Variants in CLTCL1 observed in about 807,000 individuals in gnomAD.
The protein encoded by CLTCL1 is clathrin heavy chain like 1.
In CLTCL1, 159 loss-of-function variants were observed where a neutral mutation model predicts 190.0. The observed-to-expected ratio is 0.84, with a 90% confidence interval of 0.74 to 0.95. The LOEUF (loss-of-function observed/expected upper bound fraction) is 0.95. Among genes scored for constraint, CLTCL1 ranks in the 40% least tolerant of loss-of-function variants. The pLI, the probability that CLTCL1 is intolerant of heterozygous loss-of-function variation, is 0.00. For missense variants in CLTCL1, 1,878 were observed against 2,033.4 expected (o/e 0.92, Z 1.47); for synonymous variants, 752 against 769.6 (o/e 0.98, Z 0.38).
In CLTCL1 at chr22:19,233,298, G is replaced by A. The variant is rs560764429; in HGVS notation, c.1389C>T (p.Leu463=). 1.3e-5 allele frequency: 21 copies of A among 1,613,208 alleles called. No individual in the cohort carries two copies. Among genetic ancestry groups the A allele is most frequent in the African/African-American group, 1.2e-4 (9 of 75,026 alleles). ...KEDKLECSEE[L]GDLVKTTDPM... ...GGTCAGTGGTTTTGACCAAGTCTCCGAGCTCCTCTGAGCACTCCAGCTGTG... is the reference window on the plus strand; with the variant it reads ...GGTCAGTGGTTTTGACCAAGTCTCCAAGCTCCTCTGAGCACTCCAGCTGTG... The change falls in exon 9 of 33, where the codon CTC becomes CTT. Residue 463 remains leucine (L), a synonymous_variant. Coordinates refer to ENST00000427926, the MANE Select transcript of CLTCL1 (RefSeq NM_007098.4).
intron 2 of CLTCL1, among the ~76,000 whole-genome samples, chr22:19,267,357 CTT>C (rs1555978355): frequency 2.0e-5 from 3 of 152,072 alleles, no homozygotes; most frequent in African/African-American, 7.2e-5. Flanking sequence ...GACTAGAAGA[CTT>C]AATATTGTCA....
rs181548471 is a variant in CLTCL1, at chr22:19,229,841, G to A, written c.1779C>T (p.Pro593=). 1,875 of 1,607,432 alleles carry A rather than the reference G, an allele frequency of 1.2e-3. 4 individuals carry two copies. Among genetic ancestry groups the A allele is most frequent in the Non-Finnish European group, 1.2e-3 (1,358 of 1,177,580 alleles). Residue 593 remains proline, a synonymous_variant, in exon 11 of 33, where the codon CCC becomes CCT. Transcript: ENST00000427926. ...TGTTAGCCTACAAGTCACTGACCTG[G>A]GGTGCATGAACAAGGTTCATCTCCA... The part of the protein sequence containing the change: ...WLLEMNLVHA[P]QVADAILGNK...
chr22:19,216,883 G>C (rs712949), intron 18 of CLTCL1, among the ~76,000 whole-genome samples: 8,980 of 152,268 alleles, frequency 0.059, 331 homozygotes, highest in Middle Eastern at 0.16. Context: ...TTGCACTTTG[G>C]ACCAGGCACC....
At position 19,187,674 on chromosome 22, in the gene CLTCL1, G is replaced by T; in HGVS notation, c.4489C>A (p.Gln1497Lys). 6.2e-7 allele frequency: 1 copy of T among 1,613,856 alleles called. No homozygotes were observed. The highest frequency in any genetic ancestry group is 8.5e-7 in the Non-Finnish European group (1 of 1,179,896). The change falls in exon 29 of 33, where the codon CAG becomes AAG. Residue 1497 changes from glutamine to lysine, a missense_variant. Gln to Lys is a moderately conservative substitution (Grantham distance 53). Transcript: ENST00000427926. ...ATCAGCTGATGCTTCTCCAGCTGCT[G>T]AGCCAGGCTGATGTTGTCAAAGTTG... ...YDNFDNISLA[Q>K]QLEKHQLMEF...
chr22:19,290,246 T>G (rs1240691431), intron 1 of CLTCL1, among the ~76,000 whole-genome samples: 3 of 152,188 alleles, frequency 2.0e-5, no homozygotes, highest in Non-Finnish European at 2.9e-5. Flanking sequence ...AACTCAAGCT[T>G]TGTCACTTAC....
At chr22:19,181,671 T>C (rs1353107912) in intron 30 of CLTCL1, 2 of 152,288 alleles carry the variant, frequency 1.3e-5, no homozygotes, top group Admixed American at 1.3e-4. Flanking sequence ...AGGACTGTGC[T>C]TCTTGTCCGC....
chr22:19,192,683 T>C (rs1601460443), intron 26 of CLTCL1, among the ~76,000 whole-genome samples: 1 of 152,146 alleles, frequency 6.6e-6, no homozygotes, highest in African/African-American at 2.4e-5. Context: ...CACTTCAGGG[T>C]GTCTTCTTTC....
At chr22:19,230,149 TGCAAAGGC>T (rs2085876438) in intron 10 of CLTCL1, among the ~76,000 whole-genome samples, 174 bp from the exon 11 acceptor site, 3 of 148,380 alleles carry the variant, frequency 2.0e-5, no homozygotes, top group Admixed American at 1.4e-4. Flanking sequence ...CAGGCTAGAC[TGCAAAGGC>T]ACAATCTCAG....
chr22:19,184,902 C>G (rs2084262026), intron 29 of CLTCL1: 1 of 252,822 alleles, frequency 4.0e-6, no homozygotes, highest in African/African-American at 2.3e-5. Flanking sequence ...CATCCTGGTC[C>G]CCATCCCTGT....
At chr22:19,251,253 C>G (rs1220581231) in intron 3 of CLTCL1, among the ~76,000 whole-genome samples, 2 of 151,706 alleles carry the variant, frequency 1.3e-5, no homozygotes, top group Non-Finnish European at 2.9e-5. Context: ...GATTGCTTTC[C>G]TGATTTCATT....
intron 3 of CLTCL1, among the ~76,000 whole-genome samples, chr22:19,250,561 T>TA (rs77911559): frequency 0.56 from 84,176 of 150,732 alleles, 23,815 homozygotes; most frequent in South Asian, 0.71. Flanking sequence ...TTAACTTTTT[T>TA]AATTTTTTTT....
At chr22:19,263,770 A>C (rs1349022666) in intron 2 of CLTCL1, among the ~76,000 whole-genome samples, 1 of 152,338 alleles carries the variant, frequency 6.6e-6, no homozygotes, top group Admixed American at 6.5e-5. Flanking sequence ...ATGCTATTTC[A>C]CACTTAATAG....
rs55780206 is a variant in CLTCL1, at chr22:19,190,596, C to CAAAAAAAAAAAAAAA, written c.4323+693_4323+707dup. On this transcript the variant is annotated intron_variant, in intron 27 of 32. Coordinates refer to ENST00000427926, the MANE Select transcript of CLTCL1 (RefSeq NM_007098.4). The stretch of plus-strand genomic sequence containing the variant: ...CCTGGGCAACAGAGCAAGACTGTCT[C>CAAAAAAAAAAAAAAA]AAAAAAAAAAAAAAAAAAAAAAAGA... Among the ~76,000 whole-genome samples, 136 of 72,806 alleles carry CAAAAAAAAAAAAAAA rather than the reference C, an allele frequency of 1.9e-3. 2 individuals are homozygous for CAAAAAAAAAAAAAAA. The highest frequency in any genetic ancestry group is 7.9e-3 in the Middle Eastern group (1 of 126). The allele number at this position is 72,806 out of a possible 152,430, so 47.8% of individuals were successfully genotyped here.
At chr22:19,208,680 A>G (rs1354879528) in intron 21 of CLTCL1, among the ~76,000 whole-genome samples, 5 of 151,806 alleles carry the variant, frequency 3.3e-5, no homozygotes, top group African/African-American at 4.8e-5. Context: ...CGATATTGAG[A>G]TATCTAGTGT....
At chr22:19,271,170 G>T (rs556962642) in intron 2 of CLTCL1, among the ~76,000 whole-genome samples, 2 of 151,896 alleles carry the variant, frequency 1.3e-5, no homozygotes, top group Admixed American at 1.3e-4. Context: ...AAAATTAAGA[G>T]AAAAAAGGTA....
At chr22:19,242,012 G>A (rs1024175637) in intron 4 of CLTCL1, among the ~76,000 whole-genome samples, 1 of 149,970 alleles carries the variant, frequency 6.7e-6, no homozygotes, top group East Asian at 2.0e-4. Context: ...GCGCGATCTC[G>A]GCTCACTGCA....
intron 2 of CLTCL1, 107 bp from the exon 3 acceptor site, chr22:19,254,334 T>G: frequency 1.1e-6 from 1 of 947,236 alleles, no homozygotes; most frequent in Non-Finnish European, 1.6e-6. Flanking sequence ...TAGGTTGTAC[T>G]GCTAATCTGA....
At chr22:19,232,881 G>A in intron 9 of CLTCL1, 2 of 557,476 alleles carry the variant, frequency 3.6e-6, no homozygotes, top group East Asian at 3.1e-5. Context: ...ATAAGATCTG[G>A]GAGTCTGCCA....
chr22:19,183,229 A>G (rs1486079543), intron 30 of CLTCL1, 161 bp downstream of exon 30: 6 of 624,908 alleles, frequency 9.6e-6, no homozygotes, highest in South Asian at 1.9e-5. Context: ...AAACCACTTC[A>G]GCATGAAGGA....
Sources: gnomAD v4.1 joint callset for allele counts (sites outside exome capture counted in the v4.1 genomes callset) on GRCh38, gnomAD v4.1.1 for gene constraint, MANE v1.5 for transcripts, NCBI Gene and HGNC (gene_info 2026-07-23, HGNC 2026-07-21) for gene names.